The following HDGFL2 variants were observed in gnomAD, a reference collection of about 807,000 sequenced individuals.
The protein encoded by HDGFL2 is HDGF like 2.
A neutral mutation model predicts 77.1 loss-of-function variants in HDGFL2; 36 were observed. That is an observed-to-expected ratio of 0.47 (90% CI 0.36 to 0.62). The LOEUF (loss-of-function observed/expected upper bound fraction) is 0.62. Ranked by LOEUF, HDGFL2 falls within the 20% of genes least tolerant of loss-of-function variation. The probability of loss-of-function intolerance (pLI) is 0.00; values close to 1 mark genes in which losing one functional copy is unlikely to be tolerated. For missense variants in HDGFL2, 976 were observed against 973.4 expected, an observed-to-expected ratio of 1.00 and a Z score of -0.04; for synonymous variants, 463 against 413.1, an observed-to-expected ratio of 1.12 and a Z score of -1.46.
intron 3 of HDGFL2, among the ~76,000 whole-genome samples, chr19:4,488,234 G>A (rs1002288966): frequency 1.3e-5 from 2 of 152,222 alleles, no homozygotes; most frequent in African/African-American, 4.8e-5. Context: ...GCCTCCCAAA[G>A]TGCTGGGATT....
rs759298881 is a variant in HDGFL2, at chr19:4,472,372, G to A, written c.22G>A (p.Gly8Arg). 6.5e-7 allele frequency: 1 copy of A among 1,529,736 alleles called. No individual in the cohort carries two copies. The highest frequency in any genetic ancestry group is 1.2e-5 in the South Asian group (1 of 81,366). 94.8% of individuals were successfully genotyped at this position (1,529,736 alleles called of 1,614,324 possible). ...CAGCATGCCACACGCCTTCAAGCCC[G>A]GGGACTTGGTGTTCGCTAAGATGAA... MPHAFKP[G>R]DLVFAKMKGY... Residue 8 changes from glycine to arginine, a missense_variant, in exon 1 of 16, where the codon GGG (glycine) becomes AGG (arginine). Physicochemically the swap from Gly to Arg is moderately radical, Grantham distance 125. Transcript: ENST00000616600.
chr19:4,484,018 T>C (rs1174483471), intron 3 of HDGFL2, among the ~76,000 whole-genome samples: 11 of 151,698 alleles, frequency 7.3e-5, no homozygotes, highest in African/African-American at 2.7e-4. Flanking sequence ...CTTGATCTCC[T>C]GACCTCGTGA....
intron 12 of HDGFL2, 105 bp from the exon 13 acceptor site, chr19:4,498,709 C>T (rs1362051544): frequency 1.4e-6 from 1 of 739,394 alleles, no homozygotes; most frequent in East Asian, 2.7e-5. Flanking sequence ...AGATACAGCT[C>T]CCCTCAAGGA....
chr19:4,490,015 T>G (rs1182135100), intron 4 of HDGFL2, among the ~76,000 whole-genome samples: 1 of 152,214 alleles, frequency 6.6e-6, no homozygotes, highest in African/African-American at 2.4e-5. Flanking sequence ...AGCCTTTGTG[T>G]CCGCCTTCCT....
At chr19:4,489,880 C>A (rs995931819) in intron 4 of HDGFL2, among the ~76,000 whole-genome samples, 60 of 152,234 alleles carry the variant, frequency 3.9e-4, no homozygotes, top group Admixed American at 3.5e-3. Flanking sequence ...CAAAAAGAAA[C>A]CTGGTCCCCA....
At chr19:4,501,122 G>A in intron 14 of HDGFL2, 69 bp from the exon 15 acceptor site, 1 of 1,599,374 alleles carries the variant, frequency 6.3e-7, no homozygotes, top group East Asian at 2.3e-5. Context: ...TCCAGTCCTT[G>A]ACAGGCAAGG....
chr19:4,492,180 TTG>T (rs376309281), intron 6 of HDGFL2, among the ~76,000 whole-genome samples: 2 of 151,858 alleles, frequency 1.3e-5, no homozygotes, highest in East Asian at 1.9e-4. Flanking sequence ...TATGAGCGGA[TTG>T]TGTGTGTGTG....
chr19:4,475,685 C>A, intron 3 of HDGFL2, 102 bp downstream of exon 3: 2 of 1,366,954 alleles, frequency 1.5e-6, no homozygotes, highest in Non-Finnish European at 9.7e-7. Flanking sequence ...ACATGGGGCT[C>A]GATCGTTCCC....
chr19:4,493,031 T>A (rs1975575781), intron 6 of HDGFL2, among the ~76,000 whole-genome samples: 1 of 140,680 alleles, frequency 7.1e-6, no homozygotes, highest in Admixed American at 7.1e-5. Flanking sequence ...GTTATCTGTG[T>A]GTGGTGTGTG....
intron 10 of HDGFL2, chr19:4,497,674 A>G: frequency 2.0e-6 from 1 of 488,754 alleles, no homozygotes; most frequent in East Asian, 3.7e-5. Context: ...ACTCTGGTAG[A>G]CAAAGCCAGC....
rs1205182159 is a variant in HDGFL2 at position 4,502,020 on chromosome 19, A to C, written c.*10A>C. ...GGACGAGGAGAGCTGAGCCGCGGGC[A>C]GCCAGGCCCAGCCCCCGCCCGAGCT... is the stretch of plus-strand genomic sequence containing the variant. On this transcript the variant is annotated 3_prime_UTR_variant, in exon 16 of 16. Coordinates refer to ENST00000616600, the MANE Select transcript of HDGFL2 (RefSeq NM_001001520.3). 2 of 1,513,476 alleles carry C rather than the reference A, an allele frequency of 1.3e-6. No individual in the cohort carries two copies. The highest frequency in any genetic ancestry group is 2.5e-5 in the East Asian group (1 of 40,692). The allele number at this position is 1,513,476 out of a possible 1,614,324, so 93.8% of individuals were successfully genotyped here.
At chr19:4,483,120 C>T (rs1304309433) in intron 3 of HDGFL2, among the ~76,000 whole-genome samples, 3 of 152,244 alleles carry the variant, frequency 2.0e-5, no homozygotes, top group African/African-American at 7.2e-5. Flanking sequence ...TCTCCGTTTG[C>T]GGCCTGACCT....
At chr19:4,485,516 A>T (rs1038021071) in intron 3 of HDGFL2, among the ~76,000 whole-genome samples, 1 of 151,934 alleles carries the variant, frequency 6.6e-6, no homozygotes, top group African/African-American at 2.4e-5. Context: ...AGGTGGGTGG[A>T]TCACGAGGTC....
Position 4,494,245 on chromosome 19 carries a change from C to T in HDGFL2, c.994C>T (p.Arg332Trp). 4.1e-6 allele frequency: 6 copies of T among 1,459,886 alleles called. No individual in the cohort carries two copies. Among genetic ancestry groups the T allele is most frequent in the South Asian group, 2.8e-5 (2 of 71,282 alleles). 90.4% of individuals were successfully genotyped at this position (1,459,886 alleles called of 1,614,324 possible). Residue 332 changes from arginine (R) to tryptophan (W), a missense_variant, in exon 9 of 16, where the codon CGG (arginine) becomes TGG (tryptophan). Physicochemically the swap from Arg to Trp is moderately radical, Grantham distance 101. This residue lies in a region of HDGFL2 where 567 missense variants were observed against 534.7 expected (regional missense o/e 1.06). Coordinates refer to ENST00000616600, the MANE Select transcript of HDGFL2 (RefSeq NM_001001520.3). ...GAGGCGCGAGCTGGAGGCCCGGCGG[C>T]GGCGAGAGCAGGAGGAGGAGCTGCG... is the stretch of plus-strand genomic sequence containing the variant. ...ARRRELEARR[R>W]REQEEELRRL... is the part of the protein sequence containing the mutation.
At chr19:4,496,235 G>A in intron 9 of HDGFL2, 67 bp from the exon 10 acceptor site, 6 of 1,299,282 alleles carry the variant, frequency 4.6e-6, no homozygotes, top group Non-Finnish European at 1.1e-6. Flanking sequence ...CTGGTAGTGG[G>A]ATGGGCTAGG....
At chr19:4,492,417 CTA>C (rs1975540511) in intron 6 of HDGFL2, among the ~76,000 whole-genome samples, 4 of 151,452 alleles carry the variant, frequency 2.6e-5, no homozygotes, top group Admixed American at 6.6e-5. Flanking sequence ...TCCTCTGCGT[CTA>C]TGTGTTGTGC....
rs1455796257 is a variant in HDGFL2, at chr19:4,491,257, C to A, written c.490-309C>A. ...AAACACTCACTCCCACCACCCACCCCCCCACCCCCCCACCCCCCCACCCCC... is the reference window on the plus strand; with the variant it reads ...AAACACTCACTCCCACCACCCACCCACCCACCCCCCCACCCCCCCACCCCC... On this transcript the variant is annotated intron_variant, in intron 4 of 15. Transcript: ENST00000616600. Among the ~76,000 whole-genome samples, 24 of 84,546 alleles carry A rather than the reference C, an allele frequency of 2.8e-4. No homozygotes were observed. The East Asian group carries it at 7.2e-3, about 25-fold the overall frequency. 55.5% of individuals were successfully genotyped at this position (84,546 alleles called of 152,430 possible).
rs1975753250 is a variant in HDGFL2, at chr19:4,498,015, G to T, written c.1386G>T (p.Lys462Asn). 7 of 1,556,110 alleles carry T rather than the reference G, an allele frequency of 4.5e-6. No individual in the cohort carries two copies. Among genetic ancestry groups the T allele is most frequent in the Admixed American group, 1.9e-5 (1 of 51,386 alleles). ...CCGAGGGCTTCTCGATGGACAGGAA[G>T]GTAGAGAAGAAGAAAGGTGAGGCCT... Reference protein sequence around the residue: ...KRSEGFSMDRKVEKKKEPSVE... With the variant: ...KRSEGFSMDRNVEKKKEPSVE... Residue 462 changes from lysine to asparagine, a missense_variant, in exon 11 of 16, where the codon AAG (lysine) becomes AAT (asparagine). Coordinates refer to ENST00000616600, the MANE Select transcript of HDGFL2 (RefSeq NM_001001520.3).
intron 10 of HDGFL2, 127 bp from the exon 11 acceptor site, chr19:4,497,831 G>A (rs915266976): frequency 1.8e-5 from 15 of 822,772 alleles, no homozygotes; most frequent in African/African-American, 5.2e-5. Flanking sequence ...CCCGTTTCCC[G>A]GCTTAGCTCC....
Sources: allele counts gnomAD v4.1 joint callset (sites outside exome capture counted in the v4.1 genomes callset), GRCh38; gene constraint gnomAD v4.1.1; regional missense constraint gnomAD v4.1.1; transcripts MANE v1.5; gene names NCBI Gene and HGNC (gene_info 2026-07-23, HGNC 2026-07-21).